GALNT13: variants seen among roughly 807,000 people sequenced by gnomAD.
The protein encoded by GALNT13 is polypeptide N-acetylgalactosaminyltransferase 13, also known as UDP-GalNAc:polypeptide N-acetylgalactosaminyltransferase 13.
In GALNT13, 28 loss-of-function variants were observed where a neutral mutation model predicts 64.2. The observed-to-expected ratio is 0.44, with a 90% confidence interval of 0.32 to 0.60. GALNT13 has a LOEUF of 0.60. Among genes scored for constraint, GALNT13 ranks in the 20% least tolerant of loss-of-function variants. The pLI is 0.05. For missense variants in GALNT13, 577 were observed against 669.8 expected, an observed-to-expected ratio of 0.86 and a Z score of 1.53; for synonymous variants, 214 against 224.6, an observed-to-expected ratio of 0.95 and a Z score of 0.42.
At chr2:153,200,851 G>A in the GALNT13 span, among the ~76,000 whole-genome samples, 1 of 152,168 alleles carries the variant, frequency 6.6e-6, no homozygotes, top group Non-Finnish European at 1.5e-5. Flanking sequence ...TCCTTCTATA[G>A]GAAAGTCAGG....
At chr2:154,322,730 T>C (rs1279103654) in intron 9 of GALNT13, among the ~76,000 whole-genome samples, 1 of 152,148 alleles carries the variant, frequency 6.6e-6, no homozygotes, top group Non-Finnish European at 1.5e-5. Flanking sequence ...CTTAGTGGCT[T>C]AAAATAACAT....
intron 3 of GALNT13, among the ~76,000 whole-genome samples, chr2:153,987,691 CATAGACAAA>C: frequency 6.6e-6 from 1 of 151,650 alleles, no homozygotes. Context: ...GACTTGACCA[CATAGACAAA>C]AAAAGGAAGA....
At chr2:153,416,944 G>A in the GALNT13 span, among the ~76,000 whole-genome samples, 1 of 152,120 alleles carries the variant, frequency 6.6e-6, no homozygotes, top group South Asian at 2.1e-4. Flanking sequence ...TGGAAGTGAA[G>A]GGCTTCTGAG....
chr2:153,336,901 T>G, the GALNT13 span, among the ~76,000 whole-genome samples: 1 of 152,168 alleles, frequency 6.6e-6, no homozygotes, highest in Non-Finnish European at 1.5e-5. Flanking sequence ...GGCCAGACTT[T>G]CCCGTGCTAT....
chr2:153,678,071 A>C, the GALNT13 span, among the ~76,000 whole-genome samples: 1 of 91,508 alleles, frequency 1.1e-5, no homozygotes, highest in Non-Finnish European at 3.1e-5. Context: ...GTGAAAAAAC[A>C]AAAAAACAAA....
chr2:153,170,747 A>T, the GALNT13 span, among the ~76,000 whole-genome samples: 2 of 152,236 alleles, frequency 1.3e-5, no homozygotes, highest in Non-Finnish European at 2.9e-5. Flanking sequence ...TGAAATTCAG[A>T]CTATAGCCCA....
At chr2:154,137,397 A>G (rs1015499595) in intron 3 of GALNT13, among the ~76,000 whole-genome samples, 1 of 152,052 alleles carries the variant, frequency 6.6e-6, no homozygotes, top group Admixed American at 6.6e-5. Context: ...TGGGGAGAAG[A>G]CGCTTAACCT....
At chr2:153,510,098 G>A in the GALNT13 span, among the ~76,000 whole-genome samples, 2 of 152,162 alleles carry the variant, frequency 1.3e-5, no homozygotes, top group African/African-American at 4.8e-5. Context: ...GTATCTAATT[G>A]CAGGCAGAAA....
the GALNT13 span, chr2:153,478,424 C>T: frequency 2.5e-6 from 4 of 1,614,056 alleles, no homozygotes; most frequent in Non-Finnish European, 1.7e-6. Flanking sequence ...AGGCTACGCT[C>T]GTCCGGGCCT....
intron 4 of GALNT13, among the ~76,000 whole-genome samples, chr2:154,212,697 T>G (rs1410505445): frequency 6.6e-6 from 1 of 151,976 alleles, no homozygotes; most frequent in African/African-American, 2.4e-5. Context: ...CCTCTCCCTG[T>G]TCCCCTCCTT....
chr2:153,920,965 T>A (rs1019448521), intron 2 of GALNT13, among the ~76,000 whole-genome samples: 2 of 152,014 alleles, frequency 1.3e-5, no homozygotes, highest in African/African-American at 4.8e-5. Context: ...TATTAAAAAG[T>A]CAAAAAATAG....
At chr2:153,792,652 A>C in the GALNT13 span, among the ~76,000 whole-genome samples, 1 of 152,310 alleles carries the variant, frequency 6.6e-6, no homozygotes, top group South Asian at 2.1e-4. Context: ...TAGCTACATA[A>C]TAAATACTTG....
At chr2:153,533,564 G>T in the GALNT13 span, among the ~76,000 whole-genome samples, 4 of 151,032 alleles carry the variant, frequency 2.6e-5, no homozygotes, top group African/African-American at 9.7e-5. Context: ...TGGTGTTCTT[G>T]AGCTGTTTTG....
the GALNT13 span, among the ~76,000 whole-genome samples, chr2:153,119,047 C>T: frequency 1.2e-3 from 184 of 152,170 alleles, 2 homozygotes; most frequent in Middle Eastern, 0.01. Context: ...CCCTACTCTT[C>T]GCTTTGCACT....
chr2:153,937,460 A>AGTCTC (rs1446331267), intron 2 of GALNT13, among the ~76,000 whole-genome samples: 1 of 152,196 alleles, frequency 6.6e-6, no homozygotes, highest in Admixed American at 6.5e-5. Context: ...TCAGATTAGT[A>AGTCTC]GTTACTTATG....
intron 11 of GALNT13, among the ~76,000 whole-genome samples, chr2:154,426,742 A>T (rs1700488251): frequency 6.6e-6 from 1 of 152,228 alleles, no homozygotes; most frequent in Non-Finnish European, 1.5e-5. Context: ...TAATGTTTAA[A>T]ATGGGAAGAT....
intron 4 of GALNT13, among the ~76,000 whole-genome samples, chr2:154,171,849 G>T (rs1428421985): frequency 6.6e-6 from 1 of 152,000 alleles, no homozygotes; most frequent in African/African-American, 2.4e-5. Context: ...ATTATGGGTT[G>T]TGGTAACTCT....
the GALNT13 span, among the ~76,000 whole-genome samples, chr2:153,178,198 A>G: frequency 6.6e-6 from 1 of 152,196 alleles, no homozygotes; most frequent in African/African-American, 2.4e-5. Flanking sequence ...TGACATACTG[A>G]CTTCAAATCT....
chr2:153,635,419 CAT>C, the GALNT13 span, among the ~76,000 whole-genome samples: 4 of 120,976 alleles, frequency 3.3e-5, no homozygotes, highest in African/African-American at 9.2e-5. Context: ...TATATATACA[CAT>C]ATATATGTAT....
Sources: gnomAD v4.1 joint callset for allele counts (sites outside exome capture counted in the v4.1 genomes callset) on GRCh38, gnomAD v4.1.1 for gene constraint, MANE v1.5 for transcripts, NCBI Gene and HGNC (gene_info 2026-07-23, HGNC 2026-07-21) for gene names.